The following DIAPH3 variants were observed in gnomAD, a reference collection of about 807,000 sequenced individuals.
The protein encoded by DIAPH3 is diaphanous related formin 3.
In DIAPH3, 117 loss-of-function variants were observed where a neutral mutation model predicts 144.3. The ratio of observed to expected loss-of-function variants is 0.81; its 90% confidence interval spans 0.70 to 0.95. The LOEUF (loss-of-function observed/expected upper bound fraction) is 0.95, where lower values mean the gene tolerates loss of function less well. DIAPH3 is among the 40% of genes least tolerant of loss of function. The pLI is 0.00. For missense variants in DIAPH3, 1,421 were observed against 1,412.7 expected (o/e 1.01, Z -0.09); for synonymous variants, 519 against 488.9 (o/e 1.06, Z -0.81).
Position 59,879,225 on chromosome 13 carries a change from TCA to T in DIAPH3, c.2607+2_2607+3del. 2 of 1,613,624 alleles carry T rather than the reference TCA, an allele frequency of 1.2e-6. No homozygotes were observed. Among genetic ancestry groups the T allele is most frequent in the Non-Finnish European group, 1.7e-6 (2 of 1,179,700 alleles). On this transcript the variant is annotated splice_donor_variant and splice_donor_region_variant and intron_variant, in intron 21 of 27. Coordinates refer to ENST00000400324, the MANE Select transcript of DIAPH3 (RefSeq NM_001042517.2). LOFTEE classifies it high-confidence loss of function. ...AATATGTGTTTTTAAAAAAACAAAC[TCA>T]CTTTACAGAGAGAGCTAAGGTTAAA...
At chr13:60,163,557 G>A in intron 1 of DIAPH3, 30 bp downstream of exon 1, 2 of 1,562,146 alleles carry the variant, frequency 1.3e-6, no homozygotes, top group East Asian at 2.3e-5. Context: ...GGGCGGGAGC[G>A]GCCCCACCCT....
At chr13:60,038,365 G>A (rs1320958002) in intron 5 of DIAPH3, among the ~76,000 whole-genome samples, 2 of 152,080 alleles carry the variant, frequency 1.3e-5, no homozygotes, top group Non-Finnish European at 2.9e-5. Context: ...TGATAAAAAT[G>A]AGTACACTGA....
chr13:60,033,443 G>A (rs1594433454), intron 5 of DIAPH3, among the ~76,000 whole-genome samples: 1 of 152,168 alleles, frequency 6.6e-6, no homozygotes, highest in African/African-American at 2.4e-5. Context: ...GGTTCTGCAG[G>A]CTGCACAGGA....
At chr13:60,020,658 C>A (rs971025570) in intron 5 of DIAPH3, among the ~76,000 whole-genome samples, 2 of 152,202 alleles carry the variant, frequency 1.3e-5, no homozygotes, top group African/African-American at 4.8e-5. Flanking sequence ...AGCCACTATG[C>A]CTGGCCAAGT....
At chr13:60,156,929 ATATATATATATTTTTT>A (rs1377694234) in intron 1 of DIAPH3, among the ~76,000 whole-genome samples, 2 of 51,062 alleles carry the variant, frequency 3.9e-5, no homozygotes, top group African/African-American at 1.8e-4. Context: ...ATATATATAT[ATATATATATATTTTTT>A]TTTTTTTTTT....
chr13:59,943,481 C>T, intron 17 of DIAPH3, among the ~76,000 whole-genome samples: 1 of 152,140 alleles, frequency 6.6e-6, no homozygotes, highest in East Asian at 1.9e-4. Flanking sequence ...ATATGGAGCT[C>T]CTCTGAGGGC....
At chr13:59,931,284 A>AT (rs550327455) in intron 17 of DIAPH3, among the ~76,000 whole-genome samples, 129 of 151,966 alleles carry the variant, frequency 8.5e-4, no homozygotes, top group Non-Finnish European at 1.3e-3. Context: ...TGGCCAACAT[A>AT]TTTTTTCACC....
At chr13:59,749,324 T>A (rs573798009) in intron 27 of DIAPH3, among the ~76,000 whole-genome samples, 5 of 145,034 alleles carry the variant, frequency 3.4e-5, no homozygotes, top group Admixed American at 2.1e-4. Context: ...ATCGAGACCA[T>A]CCTGGCTAAC....
chr13:60,095,107 A>G (rs2058067594), intron 3 of DIAPH3, among the ~76,000 whole-genome samples: 2 of 152,304 alleles, frequency 1.3e-5, no homozygotes. Flanking sequence ...TGACCTGTAC[A>G]GTAAAAACTA....
At chr13:59,679,276 T>TTTC (rs1441339769) in intron 27 of DIAPH3, among the ~76,000 whole-genome samples, 2 of 152,182 alleles carry the variant, frequency 1.3e-5, no homozygotes, top group African/African-American at 4.8e-5. Flanking sequence ...GTAAAATTGG[T>TTTC]TTCTGTAAAC....
At chr13:59,980,152 G>T (rs1031744004) in intron 14 of DIAPH3, among the ~76,000 whole-genome samples, 4 of 151,550 alleles carry the variant, frequency 2.6e-5, no homozygotes, top group Admixed American at 6.6e-5. Flanking sequence ...TGGCTGGATG[G>T]TTAGAAATAC....
chr13:60,028,676 TATG>T (rs2054559659), intron 5 of DIAPH3, among the ~76,000 whole-genome samples: 1 of 152,164 alleles, frequency 6.6e-6, no homozygotes, highest in Non-Finnish European at 1.5e-5. Context: ...CCACTCCACA[TATG>T]TAAGCTCCAG....
rs556730995 is a variant in DIAPH3, at chr13:59,813,626, C to T, written c.3028-2703G>A. Reference sequence around the variant, plus strand: ...ATCCCAGCACTTTCGGAGGCCAAGGCGGGTGGATCATGAGGTCAGGAGATT... The same window carrying T: ...ATCCCAGCACTTTCGGAGGCCAAGGTGGGTGGATCATGAGGTCAGGAGATT... On this transcript the variant is annotated intron_variant, in intron 24 of 27. Transcript: ENST00000400324. Among the ~76,000 whole-genome samples the T allele has an allele frequency of 9.2e-5, 14 of 152,024 alleles. No individual in the cohort carries two copies. In the South Asian group the frequency reaches 2.9e-3, roughly 32 times the overall value.
At chr13:59,765,371 T>G (rs2037817972) in intron 27 of DIAPH3, among the ~76,000 whole-genome samples, 2 of 152,314 alleles carry the variant, frequency 1.3e-5, no homozygotes. Context: ...TATTTTGAAT[T>G]TATTGAGTAG....
intron 1 of DIAPH3, among the ~76,000 whole-genome samples, chr13:60,151,031 G>C (rs1210940746): frequency 1.3e-5 from 2 of 151,284 alleles, no homozygotes; most frequent in Non-Finnish European, 2.9e-5. Context: ...AACCTCTGGT[G>C]TGTGTCCCAC....
intron 2 of DIAPH3, among the ~76,000 whole-genome samples, chr13:60,120,511 C>A (rs578007689): frequency 6.6e-6 from 1 of 152,316 alleles, no homozygotes; most frequent in East Asian, 1.9e-4. Context: ...ACTGTTCCCT[C>A]CCTACCAAAA....
At chr13:59,760,812 T>C (rs558258319) in intron 27 of DIAPH3, among the ~76,000 whole-genome samples, 7 of 152,318 alleles carry the variant, frequency 4.6e-5, no homozygotes, top group Middle Eastern at 3.4e-3. Flanking sequence ...TATATTTCAG[T>C]GTTCCTTTGT....
chr13:60,144,316 C>A (rs1951407299), intron 1 of DIAPH3, among the ~76,000 whole-genome samples: 1 of 152,178 alleles, frequency 6.6e-6, no homozygotes, highest in African/African-American at 2.4e-5. Flanking sequence ...AATGTGCAAC[C>A]TGGAAACAAA....
chr13:59,990,220 A>G (rs1009224779), intron 12 of DIAPH3, among the ~76,000 whole-genome samples: 7 of 151,802 alleles, frequency 4.6e-5, no homozygotes, highest in Middle Eastern at 3.2e-3. Context: ...TGCATGTCCT[A>G]TCCTCATCCT....
Sources: gnomAD v4.1 joint callset for allele counts (sites outside exome capture counted in the v4.1 genomes callset) on GRCh38, gnomAD v4.1.1 for gene constraint, MANE v1.5 for transcripts, NCBI Gene and HGNC (gene_info 2026-07-23, HGNC 2026-07-21) for gene names.